CDK11A: variants seen among roughly 807,000 people sequenced by gnomAD.
The protein encoded by CDK11A is cyclin-dependent kinase 11A.
A neutral mutation model predicts 83.6 loss-of-function variants in CDK11A; 55 were observed. The observed-to-expected ratio is 0.66, with a 90% CI of 0.53 to 0.82. The LOEUF (loss-of-function observed/expected upper bound fraction) is 0.82, where lower values mean the gene tolerates loss of function less well. Ranked by LOEUF, CDK11A falls within the 40% of genes least tolerant of loss-of-function variation. The pLI is 0.00. For synonymous variants in CDK11A, 247 were observed against 302.7 expected (o/e 0.82, Z 1.91); for missense variants, 564 against 810.1 (o/e 0.70, Z 3.69).
chr1:1,704,500 G>A (rs894470042), intron 14 of CDK11A, 50 bp downstream of exon 14: 1 of 1,580,928 alleles, frequency 6.3e-7, no homozygotes. Flanking sequence ...GGGGTGACCA[G>A]GACACTGCCC....
chr1:1,721,645 TC>T lies in CDK11A; in HGVS notation c.177del (p.Ile60SerfsTer3), dbSNP rs1237784217. 1 of 1,605,188 alleles carries T rather than the reference TC, an allele frequency of 6.2e-7. No homozygotes were observed. The highest frequency in any genetic ancestry group is 1.3e-5 in the African/African-American group (1 of 74,494). On this transcript the variant is annotated frameshift_variant, in exon 3 of 20. Transcript: ENST00000404249. LOFTEE classifies it high-confidence loss of function. ...CTATACGGGGAGTTCCTTATTGTGATCTCCATGCAGTGATCTCTCAGCTCCC... is the reference window on the plus strand; with the variant it reads ...CTATACGGGGAGTTCCTTATTGTGATTCCATGCAGTGATCTCTCAGCTCCC... ...EEGELRDHCM[E>X]ITIRNSPYRR...
At chr1:1,721,183 T>C (rs1180577797) in intron 3 of CDK11A, among the ~76,000 whole-genome samples, 1 of 114,380 alleles carries the variant, frequency 8.7e-6, no homozygotes, top group East Asian at 2.5e-4. Flanking sequence ...AGCAAGACTC[T>C]TGAGACACCG....
rs1396387328 is a variant in CDK11A at position 1,722,516 on chromosome 1, T to C, written c.111+192A>G. 1.7e-5 allele frequency: 10 copies of C among 587,010 alleles called. 2 individuals carry two copies. The highest frequency in any genetic ancestry group is 9.1e-4 in the Middle Eastern group (2 of 2,204). 36.4% of individuals were successfully genotyped at this position (587,010 alleles called of 1,614,324 possible). ...TATTTTATTCTCCATGTATGCTCAA[T>C]CTAGACACAGCTTTAGTGTGTTAAA... On this transcript the variant is annotated intron_variant, in intron 2 of 19. Coordinates refer to ENST00000404249, the MANE Select transcript of CDK11A (RefSeq NM_024011.4).
rs1281351885 is a variant in CDK11A at position 1,716,542 on chromosome 1, G to A, written c.356-64C>T. The A allele has an allele frequency of 2.4e-5, 37 of 1,534,776 alleles. 1 individual carries two copies. The Middle Eastern group carries it at 1.9e-3, about 78-fold the overall frequency. On this transcript the variant is annotated intron_variant, in intron 4 of 19. Transcript: ENST00000404249. ...TCAAAAATTTCACGAGGCCGGGCAC[G>A]GTGGCTTACGCCTGTAATCCCAGCA...
intron 3 of CDK11A, among the ~76,000 whole-genome samples, 160 bp from the exon 4 acceptor site, chr1:1,719,615 CTTTTTT>C (rs750830146): frequency 4.3e-5 from 2 of 46,034 alleles, no homozygotes; most frequent in South Asian, 6.6e-4. Context: ...CTTCAGGCAT[CTTTTTT>C]TTTTTTTTTT....
At chr1:1,708,062 C>G (rs1433315623) in intron 10 of CDK11A, 118 bp downstream of exon 10, 1 of 1,420,208 alleles carries the variant, frequency 7.0e-7, no homozygotes, top group Non-Finnish European at 9.5e-7. Flanking sequence ...GCCAACGAAT[C>G]AGGCGGCCTC....
At chr1:1,720,544 G>A (rs373533867) in intron 3 of CDK11A, among the ~76,000 whole-genome samples, 2 of 150,390 alleles carry the variant, frequency 1.3e-5, no homozygotes, top group African/African-American at 2.5e-5. Flanking sequence ...GAGTACAGGC[G>A]TGCGCTACCA....
intron 3 of CDK11A, among the ~76,000 whole-genome samples, chr1:1,721,365 C>T (rs1644899995): frequency 6.6e-6 from 1 of 150,862 alleles, no homozygotes; most frequent in Non-Finnish European, 1.5e-5. Flanking sequence ...TCACAGTAGC[C>T]CTAGGAAAGA....
At chr1:1,718,869 C>T (rs577739639) in intron 4 of CDK11A, among the ~76,000 whole-genome samples, 2 of 150,918 alleles carry the variant, frequency 1.3e-5, no homozygotes, top group South Asian at 4.2e-4. Context: ...ATCTCCTGAC[C>T]TTGTGATCCA....
chr1:1,714,926 C>A (rs1188426427), intron 5 of CDK11A, among the ~76,000 whole-genome samples: 1 of 149,616 alleles, frequency 6.7e-6, no homozygotes, highest in Non-Finnish European at 1.5e-5. Context: ...TTCTAGCAGA[C>A]CTCTTGGCCT....
chr1:1,715,745 G>A (rs61073446), intron 5 of CDK11A, among the ~76,000 whole-genome samples: 61,746 of 149,814 alleles, frequency 0.41, 11,923 homozygotes, highest in East Asian at 0.46. Context: ...CTCTGAAGGC[G>A]GAGATGGGCC....
At position 1,704,571 on chromosome 1, in the gene CDK11A, T is replaced by C. The variant is rs1351726295; in HGVS notation, c.1543A>G (p.Met515Val). The C allele has an allele frequency of 6.2e-7, 1 of 1,604,778 alleles. No individual in the cohort carries two copies. Among genetic ancestry groups the C allele is most frequent in the Non-Finnish European group, 8.5e-7 (1 of 1,174,826 alleles). ...EHDLKSLMETMKQPFLPGEVK... is the reference protein window; with the variant it reads ...EHDLKSLMETVKQPFLPGEVK... The stretch of plus-strand genomic sequence containing the variant: ...GTACCTGGCAGGAAGGGCTGTTTCA[T>C]GGTCTCCATCAGGCTCTTGAGGTCG... The change falls in exon 14 of 20, where the codon ATG becomes GTG. Residue 515 changes from methionine to valine, a missense_variant. Transcript: ENST00000404249.
At chr1:1,717,601 G>A (rs1299106381) in intron 4 of CDK11A, among the ~76,000 whole-genome samples, 1 of 149,268 alleles carries the variant, frequency 6.7e-6, no homozygotes, top group South Asian at 2.1e-4. Context: ...TGTGACACAC[G>A]CACGCTTTCA....
intron 4 of CDK11A, among the ~76,000 whole-genome samples, chr1:1,719,000 A>C (rs958151806): frequency 1.3e-5 from 2 of 150,788 alleles, no homozygotes; most frequent in South Asian, 2.1e-4. Flanking sequence ...GCTTTCAGCT[A>C]GAGTTTGCTC....
In CDK11A at chr1:1,703,599, A is replaced by C. The variant is rs749032855; in HGVS notation, c.1937T>G (p.Ile646Ser). ...FKELGTPSEK[I>S]WPGYSELPVV... is the part of the protein sequence containing the mutation. ...TGGGAGCTCACTGTAGCCGGGCCAG[A>C]TTTTCTCACTGGGGGTCCCCAGCTC... is the stretch of plus-strand genomic sequence containing the variant. The change falls in exon 18 of 20, where the codon ATC becomes AGC. Residue 646 changes from isoleucine to serine, a missense_variant. Ile to Ser is a moderately radical substitution (Grantham distance 142). Around this residue, in one of 5 missense-constraint regions of CDK11A, gnomAD observed 361 missense variants for 402.7 expected, o/e 0.90. Transcript: ENST00000404249. 5 of 1,596,464 alleles carry C rather than the reference A, an allele frequency of 3.1e-6. No individual in the cohort carries two copies. The highest frequency in any genetic ancestry group is 4.3e-6 in the Non-Finnish European group (5 of 1,174,144).
chr1:1,706,735 G>A (rs1644326704), intron 11 of CDK11A, among the ~76,000 whole-genome samples: 1 of 151,158 alleles, frequency 6.6e-6, no homozygotes, highest in African/African-American at 2.4e-5. Flanking sequence ...GGTGGCCTGT[G>A]GCCCGACGCC....
rs745697129 is a variant in CDK11A at position 1,719,330 on chromosome 1, C to G, written c.353G>C (p.Gly118Ala). 4.6e-6 allele frequency: 7 copies of G among 1,516,994 alleles called. No individual in the cohort carries two copies. In the African/African-American group the frequency reaches 8.6e-5, roughly 19 times the overall value. 94.0% of individuals were successfully genotyped at this position (1,516,994 alleles called of 1,614,324 possible). A position where few individuals can be genotyped will look rare whatever the true frequency, so the allele number is the denominator to read the frequency against. Residue 118 changes from glycine (G) to alanine (A), a missense_variant and splice_region_variant, in exon 4 of 20, where the codon GGG becomes GCG. Gly to Ala is a moderately conservative substitution (Grantham distance 60). Coordinates refer to ENST00000404249, the MANE Select transcript of CDK11A (RefSeq NM_024011.4). Reference protein sequence around the residue: ...KCRHHSHSAEGGKHARVKERE... With the variant: ...KCRHHSHSAEAGKHARVKERE... Reference sequence around the variant, plus strand: ...AAAGAAAGTAAATGCTTCTGTACCCCCTTCTGCTGAATGGCTATGATGCCT... The same window carrying G: ...AAAGAAAGTAAATGCTTCTGTACCCGCTTCTGCTGAATGGCTATGATGCCT...
At chr1:1,708,565 C>T (rs533542449) in intron 9 of CDK11A, among the ~76,000 whole-genome samples, 3,062 of 128,036 alleles carry the variant, frequency 0.024, 124 homozygotes, top group African/African-American at 0.081. Context: ...CACTTGAACC[C>T]GGGAGGCAGA....
At chr1:1,707,038 G>A (rs1352265683) in intron 11 of CDK11A, among the ~76,000 whole-genome samples, 1 of 143,000 alleles carries the variant, frequency 7.0e-6, no homozygotes, top group Non-Finnish European at 1.5e-5. Context: ...CACAGATGCC[G>A]GTAACAAGGC....
Sources: gnomAD v4.1 joint callset for allele counts (sites outside exome capture counted in the v4.1 genomes callset) on GRCh38, gnomAD v4.1.1 for gene constraint, gnomAD v4.1.1 regional missense constraint, MANE v1.5 for transcripts, NCBI Gene and HGNC (gene_info 2026-07-23, HGNC 2026-07-21) for gene names.